MSI2: variants seen among roughly 807,000 people sequenced by gnomAD.
The protein encoded by MSI2 is RNA-binding protein Musashi homolog 2.
A neutral mutation model predicts 45.6 loss-of-function variants in MSI2; 17 were observed. The observed-to-expected ratio is 0.37, with a 90% CI of 0.26 to 0.56. MSI2 has a LOEUF of 0.56. MSI2 is among the 20% of genes least tolerant of loss of function. The pLI is 0.77. For synonymous variants in MSI2, 156 were observed against 158.2 expected (o/e 0.99, Z 0.11); for missense variants, 293 against 444.2 (o/e 0.66, Z 3.06).
intron 6 of MSI2, among the ~76,000 whole-genome samples, chr17:57,403,382 C>A (rs1225932255): frequency 6.6e-6 from 1 of 152,194 alleles, no homozygotes; most frequent in Non-Finnish European, 1.5e-5. Context: ...ACACTGCAAG[C>A]TTTGGCCATG....
chr17:57,637,865 C>T (rs1487499609), intron 10 of MSI2, among the ~76,000 whole-genome samples: 2 of 152,238 alleles, frequency 1.3e-5, no homozygotes, highest in Non-Finnish European at 2.9e-5. Context: ...ACCTCGTCCT[C>T]TGTGGACTGA....
At chr17:57,656,044 T>G (rs539245446) in intron 11 of MSI2, among the ~76,000 whole-genome samples, 1 of 152,324 alleles carries the variant, frequency 6.6e-6, no homozygotes, top group South Asian at 2.1e-4. Context: ...GTAGCTGTAG[T>G]TGTAGTACAT....
chr17:57,596,333 G>T lies in MSI2; in HGVS notation c.455-535G>T, dbSNP rs1905244298. ...CGCTTTTGAAGCAGCAGTATAAAAA[G>T]GATGCCTGCGCGGAACAGAGGCCTG... On this transcript the variant is annotated intron_variant, in intron 7 of 13. Coordinates refer to ENST00000284073, the MANE Select transcript of MSI2 (RefSeq NM_138962.4). The surrounding 1 kb of genome is among the most constrained non-coding windows in gnomAD (Gnocchi z 4.6). 6.6e-6 allele frequency among the ~76,000 whole-genome samples: 1 copy of T among 152,200 alleles called. No homozygotes were observed.
intron 5 of MSI2, among the ~76,000 whole-genome samples, chr17:57,337,773 C>T (rs1039987329): frequency 6.6e-6 from 1 of 152,178 alleles, no homozygotes; most frequent in Admixed American, 6.5e-5. Context: ...AAAATGAATG[C>T]ATGCTCCTTA....
At chr17:57,690,520 G>GA in the MSI2 span, among the ~76,000 whole-genome samples, 1 of 152,230 alleles carries the variant, frequency 6.6e-6, no homozygotes, top group African/African-American at 2.4e-5. Context: ...TCTGGAGGCT[G>GA]AGGTGGGAGG....
At chr17:57,323,455 T>C (rs1447904896) in intron 5 of MSI2, among the ~76,000 whole-genome samples, 1 of 152,336 alleles carries the variant, frequency 6.6e-6, no homozygotes, top group East Asian at 1.9e-4. Context: ...GCTGGGCACT[T>C]GGGCCCTCCC....
At chr17:57,425,006 C>T (rs2084465247) in intron 6 of MSI2, among the ~76,000 whole-genome samples, 1 of 152,148 alleles carries the variant, frequency 6.6e-6, no homozygotes, top group Non-Finnish European at 1.5e-5. Context: ...CAGGGTTAGT[C>T]ATCCGGCCCT....
intron 5 of MSI2, among the ~76,000 whole-genome samples, chr17:57,297,187 TG>T (rs67324381): frequency 0.098 from 13,797 of 141,288 alleles, 804 homozygotes; most frequent in Non-Finnish European, 0.14. Context: ...AGTTTTTTTT[TG>T]TTTTTTTTTT....
intron 6 of MSI2, among the ~76,000 whole-genome samples, chr17:57,524,831 T>C (rs1346207326): frequency 2.6e-5 from 4 of 152,234 alleles, no homozygotes; most frequent in Non-Finnish European, 1.5e-5. Flanking sequence ...CCACTGAGTG[T>C]ATGTTAAAGA....
chr17:57,512,113 C>T (rs2143947222), intron 6 of MSI2, among the ~76,000 whole-genome samples: 1 of 152,332 alleles, frequency 6.6e-6, no homozygotes, highest in Non-Finnish European at 1.5e-5. Context: ...GACAGAGTGC[C>T]TGTATGTGCG....
chr17:57,377,545 C>CT (rs964544178), intron 5 of MSI2, among the ~76,000 whole-genome samples: 10 of 152,344 alleles, frequency 6.6e-5, no homozygotes, highest in African/African-American at 2.4e-4. Context: ...GCCCCTTCAC[C>CT]TTCTCAGTGA....
intron 5 of MSI2, among the ~76,000 whole-genome samples, chr17:57,291,185 G>A (rs1038923267): frequency 4.6e-5 from 7 of 152,184 alleles, no homozygotes; most frequent in East Asian, 1.9e-4. Context: ...GTGTGCATGC[G>A]TGCAAAAGAA....
chr17:57,354,501 C>T (rs1378425459), intron 5 of MSI2, among the ~76,000 whole-genome samples: 5 of 151,998 alleles, frequency 3.3e-5, no homozygotes, highest in African/African-American at 7.3e-5. Context: ...AAATTTGATT[C>T]CAGGTGGGGG....
rs2087925317 is a variant in MSI2 at position 57,573,241 on chromosome 17, A to G, written c.455-23627A>G. On this transcript the variant is annotated intron_variant, in intron 7 of 13. Transcript: ENST00000284073. ...TGCATTGATCCCTATAATGACCTTGAAAAGCAATAATAGCGTTATAATAAT... is the reference window on the plus strand; with the variant it reads ...TGCATTGATCCCTATAATGACCTTGGAAAGCAATAATAGCGTTATAATAAT... Among the ~76,000 whole-genome samples, 4 of 152,350 alleles carry G rather than the reference A, an allele frequency of 2.6e-5. 1 individual carries two copies. Among genetic ancestry groups the G allele is most frequent in the Admixed American group, 2.6e-4 (4 of 15,304 alleles).
At chr17:57,585,601 TTG>T (rs1438042562) in intron 7 of MSI2, among the ~76,000 whole-genome samples, 1 of 152,218 alleles carries the variant, frequency 6.6e-6, no homozygotes, top group Non-Finnish European at 1.5e-5. Context: ...CCCTCTTAGC[TTG>T]TGTGTTGCTC....
chr17:57,365,240 A>G (rs969379674), intron 5 of MSI2, among the ~76,000 whole-genome samples: 1 of 152,196 alleles, frequency 6.6e-6, no homozygotes, highest in Non-Finnish European at 1.5e-5. Context: ...ATGGTTTTTT[A>G]TATACCTTGC....
intron 6 of MSI2, among the ~76,000 whole-genome samples, chr17:57,436,669 T>C (rs547355230): frequency 6.6e-6 from 1 of 152,286 alleles, no homozygotes; most frequent in Admixed American, 6.5e-5. Context: ...GCAGGCAGAA[T>C]TGGAGACTTG....
rs557289395 is a variant in MSI2 at position 57,566,093 on chromosome 17, CG to C, written c.455-30773del. On this transcript the variant is annotated intron_variant, in intron 7 of 13. Coordinates refer to ENST00000284073, the MANE Select transcript of MSI2 (RefSeq NM_138962.4). Reference sequence around the variant, plus strand: ...TCTGCAGATAGGGTTCGAGGTAGAGCGGCCTTTTGGGTTTTCTCCTCATTTG... The same window carrying C: ...TCTGCAGATAGGGTTCGAGGTAGAGCGCCTTTTGGGTTTTCTCCTCATTTG... 2.0e-5 allele frequency: 3 copies of C among 152,210 alleles called. No homozygotes were observed. In the South Asian group the frequency reaches 6.2e-4, roughly 32 times the overall value. 9.4% of individuals were successfully genotyped at this position (152,210 alleles called of 1,614,324 possible). A position where few individuals can be genotyped will look rare whatever the true frequency, so the allele number is the denominator to read the frequency against.
At chr17:57,428,728 T>C (rs1322755842) in intron 6 of MSI2, among the ~76,000 whole-genome samples, 2 of 152,200 alleles carry the variant, frequency 1.3e-5, no homozygotes, top group Admixed American at 6.5e-5. Flanking sequence ...ATTTCAAATA[T>C]CATGTTTTAT....
Sources: gnomAD v4.1 joint callset for allele counts (sites outside exome capture counted in the v4.1 genomes callset) on GRCh38, gnomAD v4.1.1 for gene constraint, Gnocchi (gnomAD v3.1) non-coding constraint, MANE v1.5 for transcripts, NCBI Gene and HGNC (gene_info 2026-07-23, HGNC 2026-07-21) for gene names.